CYYR1: variants seen among roughly 807,000 people sequenced by gnomAD.
CYYR1 encodes the protein cysteine and tyrosine rich 1.
In CYYR1, 14 loss-of-function variants were observed where a neutral mutation model predicts 15.2. The observed-to-expected ratio is 0.92, with a 90% CI of 0.61 to 1.44. The LOEUF (loss-of-function observed/expected upper bound fraction) is 1.44, where lower values mean the gene tolerates loss of function less well. CYYR1 is among the 40% of genes most tolerant of loss of function. The pLI is 0.00. For missense variants in CYYR1, 228 were observed against 209.5 expected (o/e 1.09, Z -0.54); for synonymous variants, 80 against 77.4 (o/e 1.03, Z -0.18).
intron 3 of CYYR1, among the ~76,000 whole-genome samples, chr21:26,478,752 A>C (rs763549271): frequency 6.6e-6 from 1 of 152,064 alleles, no homozygotes; most frequent in African/African-American, 2.4e-5. Flanking sequence ...AGGAAGTGAG[A>C]GCTGATGAAG....
rs142995829 is a variant in CYYR1 at position 26,506,092 on chromosome 21, C to T, written c.177-25663G>A. On this transcript the variant is annotated intron_variant, in intron 2 of 3. Transcript: ENST00000652641. ...CGTCATCTCAATAGGCCCATTGTGC[C>T]CATTACAGTCAATCGACCACCCATT... Among the ~76,000 whole-genome samples the T allele has an allele frequency of 9.2e-5, 14 of 152,178 alleles. No homozygotes were observed. The East Asian group carries it at 1.9e-3, about 21-fold the overall frequency.
At chr21:26,513,072 T>C (rs911108557) in intron 2 of CYYR1, among the ~76,000 whole-genome samples, 1 of 152,228 alleles carries the variant, frequency 6.6e-6, no homozygotes, top group Non-Finnish European at 1.5e-5. Context: ...TTCCCTGTCC[T>C]AGCCATGTCT....
chr21:26,545,818 C>A (rs1440736896), intron 2 of CYYR1, among the ~76,000 whole-genome samples: 2 of 151,714 alleles, frequency 1.3e-5, no homozygotes, highest in African/African-American at 4.8e-5. Flanking sequence ...CTCCTGACCT[C>A]GTGATCCGCC....
intron 2 of CYYR1, among the ~76,000 whole-genome samples, chr21:26,504,362 C>G (rs1211676095): frequency 6.6e-6 from 1 of 152,052 alleles, no homozygotes; most frequent in Admixed American, 6.5e-5. Flanking sequence ...CCTCTGCCTC[C>G]CGGGTTCAAG....
Position 26,470,364 on chromosome 21 carries a change from G to A in CYYR1, c.335-1730C>T, listed in dbSNP as rs141507549. 8.3e-4 allele frequency among the ~76,000 whole-genome samples: 127 copies of A among 152,230 alleles called. No homozygotes were observed. In the East Asian group the frequency reaches 0.021, roughly 25 times the overall value. ...AGAAAAAAACTATGTTTTTGATATG[G>A]TTTGGCTCTGTGTCCCCACCCAAAT... On this transcript the variant is annotated intron_variant, in intron 3 of 3. Transcript: ENST00000652641.
rs527721562 is a variant in CYYR1, at chr21:26,475,109, T to C, written c.334+5163A>G. The stretch of plus-strand genomic sequence containing the variant: ...TGATTTCACTTTGAGTAAATGACCA[T>C]TTTCATAAGTGTTGTGGTCTTTGGC... On this transcript the variant is annotated intron_variant, in intron 3 of 3. Transcript: ENST00000652641. Among the ~76,000 whole-genome samples the C allele has an allele frequency of 1.2e-4, 19 of 152,304 alleles. No homozygotes were observed. The East Asian group carries it at 3.7e-3, about 29-fold the overall frequency.
intron 2 of CYYR1, among the ~76,000 whole-genome samples, chr21:26,505,828 TTC>T (rs2065552072): frequency 6.6e-6 from 1 of 152,196 alleles, no homozygotes; most frequent in Admixed American, 6.5e-5. Context: ...TTTAATGCTT[TTC>T]GTAAGCGCGA....
intron 2 of CYYR1, among the ~76,000 whole-genome samples, chr21:26,536,886 C>T (rs557845916): frequency 3.9e-5 from 6 of 152,166 alleles, no homozygotes; most frequent in Non-Finnish European, 7.4e-5. Context: ...TTCACTGATT[C>T]AATAAACATT....
intron 2 of CYYR1, among the ~76,000 whole-genome samples, chr21:26,497,940 G>C (rs1023620144): frequency 1.3e-5 from 2 of 152,140 alleles, no homozygotes; most frequent in African/African-American, 4.8e-5. Flanking sequence ...AGTTTGAACT[G>C]TATGTCTTAT....
chr21:26,554,231 G>C (rs1360039827), intron 2 of CYYR1, among the ~76,000 whole-genome samples: 1 of 152,130 alleles, frequency 6.6e-6, no homozygotes, highest in Admixed American at 6.6e-5. Context: ...ACACCACTGT[G>C]TGCATTATTT....
At chr21:26,508,703 T>G (rs2065603009) in intron 2 of CYYR1, among the ~76,000 whole-genome samples, 1 of 152,198 alleles carries the variant, frequency 6.6e-6, no homozygotes, top group South Asian at 2.1e-4. Context: ...CAAGTGATGG[T>G]TTCATATGCT....
intron 2 of CYYR1, among the ~76,000 whole-genome samples, chr21:26,527,971 A>G (rs1044546483): frequency 1.3e-5 from 2 of 152,236 alleles, no homozygotes; most frequent in African/African-American, 4.8e-5. Context: ...CAGAAATTCT[A>G]TAAATAAAGA....
chr21:26,482,441 G>T, intron 2 of CYYR1: 1 of 985,148 alleles, frequency 1.0e-6, no homozygotes, highest in Non-Finnish European at 1.2e-6. Context: ...CCTTCTTACA[G>T]CAACTAAGAC....
At chr21:26,487,040 A>T (rs1180139034) in intron 2 of CYYR1, among the ~76,000 whole-genome samples, 1 of 152,104 alleles carries the variant, frequency 6.6e-6, no homozygotes, top group Non-Finnish European at 1.5e-5. Context: ...AGAAAAATTA[A>T]AAAGGCCATG....
Position 26,471,876 on chromosome 21 carries a change from T to C in CYYR1, c.335-3242A>G, listed in dbSNP as rs538615938. ...AGTAGGGTAAATAGGCCATTTATCC[T>C]CAACATCTGATACAGCTGTCTACAA... On this transcript the variant is annotated intron_variant, in intron 3 of 3. Coordinates refer to ENST00000652641, the MANE Select transcript of CYYR1 (RefSeq NM_001320768.2). Among the ~76,000 whole-genome samples, 8 of 152,328 alleles carry C rather than the reference T, an allele frequency of 5.3e-5. No homozygotes were observed. The East Asian group carries it at 1.4e-3, about 26-fold the overall frequency.
At chr21:26,546,670 A>G (rs1860288867) in intron 2 of CYYR1, among the ~76,000 whole-genome samples, 1 of 152,166 alleles carries the variant, frequency 6.6e-6, no homozygotes, top group African/African-American at 2.4e-5. Flanking sequence ...CTTGAAAGAG[A>G]TCATTTAAAT....
chr21:26,479,594 T>C (rs2065146230), intron 3 of CYYR1, among the ~76,000 whole-genome samples: 2 of 152,212 alleles, frequency 1.3e-5, no homozygotes, highest in Admixed American at 6.5e-5. Flanking sequence ...TATATTTTAA[T>C]ACATGGAACT....
intron 2 of CYYR1, among the ~76,000 whole-genome samples, chr21:26,492,738 G>A (rs965784841): frequency 6.6e-6 from 1 of 151,864 alleles, no homozygotes; most frequent in Admixed American, 6.6e-5. Flanking sequence ...TCTCAAGGTC[G>A]AAGAGAATAA....
intron 2 of CYYR1, among the ~76,000 whole-genome samples, chr21:26,539,765 G>C (rs1172019725): frequency 6.6e-6 from 1 of 152,024 alleles, no homozygotes; most frequent in African/African-American, 2.4e-5. Flanking sequence ...TCTTTTTGAG[G>C]TTTCTTCCCC....
Sources: gnomAD v4.1 joint callset for allele counts (sites outside exome capture counted in the v4.1 genomes callset) on GRCh38, gnomAD v4.1.1 for gene constraint, MANE v1.5 for transcripts, NCBI Gene and HGNC (gene_info 2026-07-23, HGNC 2026-07-21) for gene names.